Variants in NRG1 observed in about 807,000 individuals in gnomAD.
The protein encoded by NRG1 is neuregulin 1.
NRG1 carries 18 observed loss-of-function variants against 63.8 expected under a neutral mutation model. The ratio of observed to expected loss-of-function variants is 0.28; its 90% CI spans 0.19 to 0.42. NRG1 has a LOEUF of 0.42. NRG1 is among the 10% of genes least tolerant of loss of function. NRG1 has a pLI of 1.00. For missense variants in NRG1, 762 were observed against 814.7 expected, an observed-to-expected ratio of 0.94 and a Z score of 0.79; for synonymous variants, 302 against 301.3, an observed-to-expected ratio of 1.00 and a Z score of -0.02.
intron 2 of NRG1, among the ~76,000 whole-genome samples, chr8:32,597,894 T>C (rs952727648): frequency 6.6e-6 from 1 of 151,984 alleles, no homozygotes; most frequent in Non-Finnish European, 1.5e-5. Context: ...AAAAGATAAG[T>C]ATGATTCTTA....
chr8:32,352,015 T>C (rs532771174), intron 1 of NRG1, among the ~76,000 whole-genome samples: 1 of 151,528 alleles, frequency 6.6e-6, no homozygotes, highest in Admixed American at 6.6e-5. Flanking sequence ...TCTTGACAAG[T>C]GAGGATGTTA....
intron 1 of NRG1, among the ~76,000 whole-genome samples, chr8:31,966,540 A>T (rs327412): frequency 0.85 from 129,233 of 152,250 alleles, 55,735 homozygotes; most frequent in African/African-American, 0.96. Flanking sequence ...TGCACCTTTA[A>T]ATATTTGAGA....
chr8:32,319,243 T>A (rs768681889), intron 1 of NRG1, among the ~76,000 whole-genome samples: 122 of 152,176 alleles, frequency 8.0e-4, no homozygotes, highest in Non-Finnish European at 8.7e-4. Flanking sequence ...GGGGTGTTGA[T>A]GGAAACAGGA....
Position 32,636,206 on chromosome 8 carries a change from T to C in NRG1, c.502+19321T>C, listed in dbSNP as rs12675452. Among the ~76,000 whole-genome samples the C allele has an allele frequency of 0.048, 7,248 of 151,546 alleles. 1,014 individuals carry two copies. The East Asian group carries it at 0.54, about 11-fold the overall frequency. ...GCCGTTCCTTTCTTACTGGATGTGTTCGGGCGCAGGGGGTGGGGGCAAAAA... is the reference window on the plus strand; with the variant it reads ...GCCGTTCCTTTCTTACTGGATGTGTCCGGGCGCAGGGGGTGGGGGCAAAAA... On this transcript the variant is annotated intron_variant, in intron 5 of 11. Coordinates refer to ENST00000356819, the Ensembl canonical transcript of NRG1.
chr8:32,624,459 GA>G (rs1160206023), intron 5 of NRG1, among the ~76,000 whole-genome samples: 1 of 152,134 alleles, frequency 6.6e-6, no homozygotes, highest in African/African-American at 2.4e-5. Context: ...ATTGACAACT[GA>G]TAAGCAAACA....
chr8:32,600,076 ATATGG>A, intron 2 of NRG1, among the ~76,000 whole-genome samples: 1 of 152,236 alleles, frequency 6.6e-6, no homozygotes, highest in South Asian at 2.1e-4. Flanking sequence ...GTGGCATTCC[ATATGG>A]TTTATGTGAG....
At chr8:32,160,718 G>A (rs1838731233) in intron 1 of NRG1, among the ~76,000 whole-genome samples, 1 of 152,156 alleles carries the variant, frequency 6.6e-6, no homozygotes, top group Non-Finnish European at 1.5e-5. Flanking sequence ...GACATTGTCA[G>A]CTTTTAATTG....
intron 1 of NRG1, among the ~76,000 whole-genome samples, chr8:32,002,548 A>G (rs1391084756): frequency 6.6e-6 from 1 of 150,584 alleles, no homozygotes; most frequent in Non-Finnish European, 1.5e-5. Context: ...GCACTTCCTT[A>G]CTTTCTGGAA....
chr8:32,741,947 C>A, intron 6 of NRG1, 61 bp from the exon 7 acceptor site: 2 of 1,290,088 alleles, frequency 1.6e-6, no homozygotes, highest in East Asian at 2.3e-5. Context: ...GGAAAATTGC[C>A]AGTCTGAAAG....
intron 1 of NRG1, among the ~76,000 whole-genome samples, chr8:32,043,521 C>G (rs1300175115): frequency 6.6e-6 from 1 of 151,756 alleles, no homozygotes; most frequent in East Asian, 1.9e-4. Flanking sequence ...GAAATGGTAA[C>G]TATATAAATA....
chr8:32,543,631 A>C (rs2129521526), upstream of NRG1, among the ~76,000 whole-genome samples: 1 of 152,324 alleles, frequency 6.6e-6, no homozygotes, highest in Admixed American at 6.5e-5. Flanking sequence ...CAATCCTGAC[A>C]GTAATCTTAT....
At chr8:31,944,137 T>C (rs563055201) in intron 1 of NRG1, among the ~76,000 whole-genome samples, 4 of 152,304 alleles carry the variant, frequency 2.6e-5, no homozygotes, top group African/African-American at 9.6e-5. Context: ...ATGTGCTAAT[T>C]CTGTCTCTTT....
chr8:31,935,948 A>G (rs947655628), intron 1 of NRG1, among the ~76,000 whole-genome samples: 5 of 152,158 alleles, frequency 3.3e-5, no homozygotes, highest in Non-Finnish European at 5.9e-5. Context: ...GGAGGAGAAT[A>G]TGGCCTAGTC....
intron 1 of NRG1, among the ~76,000 whole-genome samples, chr8:32,143,704 C>A (rs561349922): frequency 1.3e-5 from 2 of 152,342 alleles, no homozygotes; most frequent in South Asian, 4.1e-4. Flanking sequence ...GTTTACACTC[C>A]ACAAGTATTC....
At chr8:32,373,795 C>T (rs868557672) in intron 1 of NRG1, among the ~76,000 whole-genome samples, 2 of 151,910 alleles carry the variant, frequency 1.3e-5, no homozygotes, top group African/African-American at 4.8e-5. Flanking sequence ...TTAAATAAAT[C>T]AATATATGGT....
chr8:32,182,518 A>G (rs1198608369), intron 1 of NRG1, among the ~76,000 whole-genome samples: 2 of 152,258 alleles, frequency 1.3e-5, no homozygotes, highest in African/African-American at 2.4e-5. Flanking sequence ...AAGTGCTGGG[A>G]TTAGAGGCAT....
intron 1 of NRG1, among the ~76,000 whole-genome samples, chr8:31,777,801 T>G (rs1351953097): frequency 6.6e-6 from 1 of 152,056 alleles, no homozygotes; most frequent in Non-Finnish European, 1.5e-5. Flanking sequence ...ACAGCCAGGT[T>G]GGCAGGGGGT....
intron 1 of NRG1, among the ~76,000 whole-genome samples, chr8:31,726,064 T>C (rs1813405064): frequency 6.6e-6 from 1 of 152,138 alleles, no homozygotes; most frequent in African/African-American, 2.4e-5. Context: ...TCCCACTTTA[T>C]TATAGGAGAT....
intron 1 of NRG1, among the ~76,000 whole-genome samples, chr8:32,513,623 A>G (rs1036713705): frequency 3.3e-5 from 5 of 152,178 alleles, no homozygotes; most frequent in Admixed American, 3.3e-4. Flanking sequence ...GGTTTGGTCA[A>G]TGAATATGCA....
Sources: gnomAD v4.1 joint callset for allele counts (sites outside exome capture counted in the v4.1 genomes callset) on GRCh38, gnomAD v4.1.1 for gene constraint, MANE v1.5 for transcripts, NCBI Gene and HGNC (gene_info 2026-07-23, HGNC 2026-07-21) for gene names.